The following MAD1L1 variants were observed in gnomAD, a reference collection of about 807,000 sequenced individuals.
The protein encoded by MAD1L1 is mitotic arrest deficient 1 like 1.
MAD1L1 carries 95 observed loss-of-function variants against 96.9 expected under a neutral mutation model. The ratio of observed to expected loss-of-function variants is 0.98; its 90% CI spans 0.83 to 1.16. MAD1L1 has a LOEUF of 1.16. MAD1L1 is among the 50% of genes most tolerant of loss of function. MAD1L1 has a pLI of 0.00. For synonymous variants in MAD1L1, 473 were observed against 396.6 expected, an observed-to-expected ratio of 1.19 and a Z score of -2.29; for missense variants, 1,007 against 954.4, an observed-to-expected ratio of 1.06 and a Z score of -0.73.
intron 18 of MAD1L1, among the ~76,000 whole-genome samples, chr7:1,856,120 G>A (rs1386365318): frequency 1.3e-5 from 2 of 152,162 alleles, no homozygotes; most frequent in Non-Finnish European, 2.9e-5. Flanking sequence ...GAATTTCAAC[G>A]TATGGATTTT....
chr7:2,013,812 G>C (rs1782409145), intron 13 of MAD1L1, among the ~76,000 whole-genome samples: 1 of 151,412 alleles, frequency 6.6e-6, no homozygotes, highest in Non-Finnish European at 1.5e-5. Flanking sequence ...TGGATGGGGA[G>C]TGTGGACGTG....
In MAD1L1 at chr7:2,172,924, C is replaced by T. The variant is rs557031523; in HGVS notation, c.987-23686G>A. ...GTCTGTGCGCACAGAAGACCCCAGACGGTGCCAGGCACCCTGCACACATGC... is the reference window on the plus strand; with the variant it reads ...GTCTGTGCGCACAGAAGACCCCAGATGGTGCCAGGCACCCTGCACACATGC... On this transcript the variant is annotated intron_variant, in intron 10 of 18. Transcript: ENST00000265854. 4.6e-5 allele frequency among the ~76,000 whole-genome samples: 7 copies of T among 152,380 alleles called. No homozygotes were observed. In the South Asian group the frequency reaches 8.3e-4, roughly 18 times the overall value.
chr7:2,015,961 A>G (rs563046885), intron 12 of MAD1L1, among the ~76,000 whole-genome samples: 4 of 152,278 alleles, frequency 2.6e-5, no homozygotes, highest in Admixed American at 1.3e-4. Flanking sequence ...GGGGTAGTAG[A>G]GCCCAGGAAG....
At chr7:1,963,177 A>T (rs1780021115) in intron 15 of MAD1L1, among the ~76,000 whole-genome samples, 1 of 152,252 alleles carries the variant, frequency 6.6e-6, no homozygotes, top group Admixed American at 6.5e-5. Flanking sequence ...GCCAAAAACC[A>T]GAAAAACTCC....
intron 11 of MAD1L1, among the ~76,000 whole-genome samples, chr7:2,087,195 T>C (rs984291534): frequency 5.9e-5 from 9 of 152,036 alleles, no homozygotes; most frequent in Non-Finnish European, 7.4e-5. Flanking sequence ...AGTGCAACTG[T>C]CAAGACCCAC....
intron 11 of MAD1L1, among the ~76,000 whole-genome samples, chr7:2,093,461 C>G (rs1391339240): frequency 6.6e-6 from 1 of 152,202 alleles, no homozygotes; most frequent in South Asian, 2.1e-4. Flanking sequence ...AAAACAGTCA[C>G]AGCAGCTTTC....
At chr7:2,160,619 C>A (rs1468325678) in intron 10 of MAD1L1, among the ~76,000 whole-genome samples, 1 of 151,830 alleles carries the variant, frequency 6.6e-6, no homozygotes, top group African/African-American at 2.4e-5. Flanking sequence ...AGGCGTGAGC[C>A]ACCGCCCCCG....
chr7:1,840,621 C>A (rs543067060), intron 18 of MAD1L1, among the ~76,000 whole-genome samples: 1 of 152,160 alleles, frequency 6.6e-6, no homozygotes, highest in African/African-American at 2.4e-5. Context: ...CCCAGCTACT[C>A]GGGAGGCTGA....
At chr7:1,916,184 G>A (rs1788380696) in intron 17 of MAD1L1, among the ~76,000 whole-genome samples, 1 of 152,166 alleles carries the variant, frequency 6.6e-6, no homozygotes, top group South Asian at 2.1e-4. Context: ...CCTCACGTGG[G>A]ACATGCAAAC....
At chr7:2,160,618 C>A (rs1199959303) in intron 10 of MAD1L1, among the ~76,000 whole-genome samples, 1 of 151,862 alleles carries the variant, frequency 6.6e-6, no homozygotes, top group African/African-American at 2.4e-5. Context: ...CAGGCGTGAG[C>A]CACCGCCCCC....
chr7:2,087,297 C>T (rs932336792), intron 11 of MAD1L1, among the ~76,000 whole-genome samples: 9 of 152,216 alleles, frequency 5.9e-5, no homozygotes, highest in African/African-American at 1.7e-4. Context: ...TCCAGCACTT[C>T]GGGAGGGTGA....
chr7:2,057,731 C>T (rs990119657), intron 12 of MAD1L1, among the ~76,000 whole-genome samples: 2 of 152,136 alleles, frequency 1.3e-5, no homozygotes, highest in Non-Finnish European at 2.9e-5. Context: ...CAAAAACAAC[C>T]CGCATCAAAA....
At chr7:1,862,716 T>A (rs1231095719) in intron 18 of MAD1L1, among the ~76,000 whole-genome samples, 2 of 152,146 alleles carry the variant, frequency 1.3e-5, no homozygotes. Flanking sequence ...ACTTTCCTTA[T>A]TAGCTTCAAT....
intron 11 of MAD1L1, among the ~76,000 whole-genome samples, chr7:2,130,859 C>T (rs1788478364): frequency 1.3e-5 from 2 of 152,216 alleles, no homozygotes; most frequent in South Asian, 2.1e-4. Flanking sequence ...GCCAAATCAA[C>T]CTTCCCGGAA....
Position 2,111,088 on chromosome 7 carries a change from C to T in MAD1L1, c.1073+38064G>A, listed in dbSNP as rs372613533. On this transcript the variant is annotated intron_variant, in intron 11 of 18. Transcript: ENST00000265854. The stretch of plus-strand genomic sequence containing the variant: ...GGTCTCAAGTCCACAGGGCACGCTG[C>T]GGCCAAGTCCTCCGACGAAAAGTAA... Among the ~76,000 whole-genome samples, 6 of 152,276 alleles carry T rather than the reference C, an allele frequency of 3.9e-5. No homozygotes were observed. The East Asian group carries it at 1.2e-3, about 29-fold the overall frequency.
chr7:2,117,628 T>C (rs4719441), intron 11 of MAD1L1, among the ~76,000 whole-genome samples: 151,394 of 152,308 alleles, frequency 0.99, 75,252 homozygotes, highest in Non-Finnish European at 1. Context: ...CTCCTTCCTG[T>C]CACCATGTAA....
At chr7:1,983,694 C>T (rs568697823) in intron 14 of MAD1L1, among the ~76,000 whole-genome samples, 70 of 152,340 alleles carry the variant, frequency 4.6e-4, no homozygotes, top group African/African-American at 1.7e-3. Context: ...TCTTCACCTA[C>T]GTATCCACCG....
At chr7:2,172,609 G>A (rs1337225141) in intron 10 of MAD1L1, among the ~76,000 whole-genome samples, 1 of 152,258 alleles carries the variant, frequency 6.6e-6, no homozygotes, top group Non-Finnish European at 1.5e-5. Context: ...TCGCCACCTT[G>A]GCCGGCTCAA....
At chr7:1,907,519 G>A (rs1437410357) in intron 17 of MAD1L1, among the ~76,000 whole-genome samples, 1 of 152,262 alleles carries the variant, frequency 6.6e-6, no homozygotes, top group East Asian at 1.9e-4. Context: ...CAAGCCAGGA[G>A]GACAATCCTA....
Sources: gnomAD v4.1 joint callset for allele counts (sites outside exome capture counted in the v4.1 genomes callset) on GRCh38, gnomAD v4.1.1 for gene constraint, MANE v1.5 for transcripts, NCBI Gene and HGNC (gene_info 2026-07-23, HGNC 2026-07-21) for gene names.